Variants in NUP133 observed in about 807,000 individuals in gnomAD.
NUP133 encodes nucleoporin 133.
In NUP133, 66 loss-of-function variants were observed where a neutral mutation model predicts 146.2. The ratio of observed to expected loss-of-function variants is 0.45; its 90% CI spans 0.37 to 0.55. The LOEUF (loss-of-function observed/expected upper bound fraction) is 0.55, where lower values mean the gene tolerates loss of function less well. Ranked by LOEUF, NUP133 falls within the 20% of genes least tolerant of loss-of-function variation. NUP133 has a pLI of 0.00. For synonymous variants in NUP133, 521 were observed against 498.8 expected (o/e 1.04, Z -0.59); for missense variants, 1,277 against 1,374.8 (o/e 0.93, Z 1.12).
chr1:229,450,322 G>A (rs1660420079), intron 23 of NUP133, among the ~76,000 whole-genome samples: 1 of 152,192 alleles, frequency 6.6e-6, no homozygotes, highest in African/African-American at 2.4e-5. Flanking sequence ...ACCCAGGAAT[G>A]TGTGAGAATT....
At chr1:229,494,662 CAGAGAG>C (rs1009057023) in intron 8 of NUP133, among the ~76,000 whole-genome samples, 1 of 152,184 alleles carries the variant, frequency 6.6e-6, no homozygotes, top group African/African-American at 2.4e-5. Flanking sequence ...ATGCACCACT[CAGAGAG>C]AGCACTGTTT....
intron 12 of NUP133, among the ~76,000 whole-genome samples, chr1:229,480,929 A>G (rs766945680): frequency 4.0e-5 from 6 of 151,528 alleles, no homozygotes; most frequent in Non-Finnish European, 5.9e-5. Context: ...TCCTGATCTC[A>G]AATGATCTGC....
At chr1:229,471,426 C>T (rs1161906597) in intron 14 of NUP133, among the ~76,000 whole-genome samples, 1 of 152,102 alleles carries the variant, frequency 6.6e-6, no homozygotes, top group Non-Finnish European at 1.5e-5. Context: ...TTCACACTGC[C>T]CTTTACTAGC....
intron 15 of NUP133, among the ~76,000 whole-genome samples, chr1:229,468,347 A>G (rs971916200): frequency 3.9e-5 from 6 of 152,204 alleles, no homozygotes; most frequent in African/African-American, 9.6e-5. Context: ...AAAAACTACT[A>G]TATGCATATA....
intron 6 of NUP133, among the ~76,000 whole-genome samples, chr1:229,496,601 T>C (rs1356695349): frequency 2.0e-5 from 3 of 152,146 alleles, no homozygotes; most frequent in African/African-American, 4.8e-5. Context: ...GGTGGGAAAG[T>C]TACAGCGTCT....
At chr1:229,472,466 G>A (rs1380388848) in intron 14 of NUP133, among the ~76,000 whole-genome samples, 5 of 151,874 alleles carry the variant, frequency 3.3e-5, no homozygotes, top group African/African-American at 1.2e-4. Flanking sequence ...GCTCACACCT[G>A]TAATCCCAGC....
rs1661751417 is a variant in NUP133 at position 229,499,795 on chromosome 1, G to A, written c.537C>T (p.Thr179=). 1.2e-6 allele frequency: 2 copies of A among 1,613,668 alleles called. No homozygotes were observed. The highest frequency in any genetic ancestry group is 2.2e-5 in the South Asian group (2 of 91,036). The change falls in exon 5 of 26, where the codon ACC becomes ACT. Residue 179 remains threonine, a synonymous_variant. Transcript: ENST00000261396. ...STQAVAVMVA[T]REGSIRYWPS... Reference sequence around the variant, plus strand: ...GCCAATAGCGGATAGATCCTTCTCTGGTGGCAACCATGACAGCAACAGCCT... The same window carrying A: ...GCCAATAGCGGATAGATCCTTCTCTAGTGGCAACCATGACAGCAACAGCCT...
rs368768737 is a variant in NUP133 at position 229,508,158 on chromosome 1, G to T, written c.92C>A (p.Thr31Lys). 1.9e-6 allele frequency: 3 copies of T among 1,593,706 alleles called. No homozygotes were observed. The highest frequency in any genetic ancestry group is 4.7e-5 in the East Asian group (2 of 42,962). ...CAGGGGCAGACCCTTCCTGCTAGCC[G>T]TCCGGGGCGTGGAGCCGGGCCCGAG... ...AGLGPGSTPR[T>K]ASRKGLPLGS... The change falls in exon 1 of 26, where the codon ACG becomes AAG. Residue 31 changes from threonine to lysine, a missense_variant. This residue lies in a region of NUP133 where 319 missense variants were observed against 306.9 expected (regional missense o/e 1.04). Transcript: ENST00000261396.
intron 8 of NUP133, among the ~76,000 whole-genome samples, chr1:229,494,913 GAA>G (rs1174613513): frequency 6.6e-6 from 1 of 152,206 alleles, no homozygotes; most frequent in Non-Finnish European, 1.5e-5. Flanking sequence ...TCTTGGCAGT[GAA>G]GAAGAGAAGC....
chr1:229,465,243 A>C (rs1660786316), intron 17 of NUP133, among the ~76,000 whole-genome samples, 177 bp downstream of exon 17: 1 of 152,216 alleles, frequency 6.6e-6, no homozygotes, highest in Admixed American at 6.5e-5. Context: ...AATTATAGAG[A>C]GATCGATAAA....
chr1:229,480,419 T>TA (rs756427071), intron 12 of NUP133, among the ~76,000 whole-genome samples: 8 of 152,184 alleles, frequency 5.3e-5, no homozygotes, highest in South Asian at 2.1e-4. Context: ...CAAGATTTAA[T>TA]AAAAAATTAC....
rs950758812 is a variant in NUP133, at chr1:229,498,228, G to C, written c.727C>G (p.His243Asp). ...IPESSGKIHQ[H>D]ILPQGQGMLS... ...ATGCCTTGCCCCTGAGGCAGGATAT[G>C]CTGATGAATCTTTCCTGAGCTCTCA... Residue 243 changes from histidine (H) to aspartate (D), a missense_variant, in exon 6 of 26, where the codon CAT becomes GAT. Physicochemically the swap from His to Asp is moderately conservative, Grantham distance 81. Around this residue, in one of 3 missense-constraint regions of NUP133, gnomAD observed 319 missense variants for 306.9 expected, o/e 1.04. Transcript: ENST00000261396. 10 of 1,612,866 alleles carry C rather than the reference G, an allele frequency of 6.2e-6. No individual in the cohort carries two copies. The highest frequency in any genetic ancestry group is 1.3e-5 in the African/African-American group (1 of 74,984).
Position 229,497,214 on chromosome 1 carries a change from T to C in NUP133, c.819+922A>G, listed in dbSNP as rs78389340. Among the ~76,000 whole-genome samples the C allele has an allele frequency of 7.0e-3, 1,068 of 152,094 alleles. 6 individuals are homozygous for C. Among genetic ancestry groups the C allele is most frequent in the Middle Eastern group, 0.041 (12 of 294 alleles). On this transcript the variant is annotated intron_variant, in intron 6 of 25. Coordinates refer to ENST00000261396, the MANE Select transcript of NUP133 (RefSeq NM_018230.3). ...CAGAAAGATGGGGATGGAAATGAGA[T>C]TGGATAGAAGTTAAATCTACAGCAC...
intron 12 of NUP133, among the ~76,000 whole-genome samples, chr1:229,483,436 C>T (rs902130569): frequency 4.0e-5 from 6 of 151,896 alleles, no homozygotes; most frequent in Admixed American, 3.3e-4. Context: ...ACTTTGCATG[C>T]GGCTGGAAGT....
At position 229,487,319 on chromosome 1, in the gene NUP133, T is replaced by C. The variant is rs17705578; in HGVS notation, c.1342+147A>G. 954 of 729,744 alleles carry C rather than the reference T, an allele frequency of 1.3e-3. 3 individuals carry two copies. Among genetic ancestry groups the C allele is most frequent in the Admixed American group, 2.1e-3 (68 of 32,976 alleles). 45.2% of individuals were successfully genotyped at this position (729,744 alleles called of 1,614,324 possible). A position where few individuals can be genotyped will look rare whatever the true frequency, so the allele number is the denominator to read the frequency against. ...CCCTTTTGGTTTCTTAGTAGGGTTATGGCTTCAGCTGCTGTAGTTGTGGTA... is the reference window on the plus strand; with the variant it reads ...CCCTTTTGGTTTCTTAGTAGGGTTACGGCTTCAGCTGCTGTAGTTGTGGTA... On this transcript the variant is annotated intron_variant, in intron 10 of 25. Coordinates refer to ENST00000261396, the MANE Select transcript of NUP133 (RefSeq NM_018230.3).
At chr1:229,482,470 T>C (rs1661238381) in intron 12 of NUP133, among the ~76,000 whole-genome samples, 1 of 152,142 alleles carries the variant, frequency 6.6e-6, no homozygotes, top group South Asian at 2.1e-4. Flanking sequence ...TCAGCATCTG[T>C]CCAAAGTTTC....
Position 229,496,136 on chromosome 1 carries a change from G to C in NUP133, c.820-89C>G, listed in dbSNP as rs896060857. The C allele has an allele frequency of 4.0e-6, 4 of 1,000,568 alleles. 1 individual carries two copies. Among genetic ancestry groups the C allele is most frequent in the South Asian group, 1.9e-5 (1 of 51,390 alleles). 62.0% of individuals were successfully genotyped at this position (1,000,568 alleles called of 1,614,324 possible). On this transcript the variant is annotated intron_variant, in intron 6 of 25. Transcript: ENST00000261396. ...TTTAAAAGTCAAATTTCACATATGT[G>C]ATTAGTAATCCTAGCAGAATTCTTC...
chr1:229,506,267 C>T (rs1661933843), intron 1 of NUP133, 109 bp from the exon 2 acceptor site: 1 of 569,806 alleles, frequency 1.8e-6, no homozygotes, highest in Non-Finnish European at 3.2e-6. Flanking sequence ...AAAATTAACA[C>T]TGGCTCATAT....
chr1:229,468,508 C>A (rs1660877644), intron 15 of NUP133, among the ~76,000 whole-genome samples: 1 of 152,030 alleles, frequency 6.6e-6, no homozygotes, highest in South Asian at 2.1e-4. Flanking sequence ...TCATATGGAA[C>A]ATTCTTTTGA....
Sources: allele counts gnomAD v4.1 joint callset (sites outside exome capture counted in the v4.1 genomes callset), GRCh38; gene constraint gnomAD v4.1.1; regional missense constraint gnomAD v4.1.1; transcripts MANE v1.5; gene names NCBI Gene and HGNC (gene_info 2026-07-23, HGNC 2026-07-21).